Variants in BTBD6 observed in about 807,000 individuals in gnomAD.
The protein encoded by BTBD6 is BTB/POZ domain-containing protein 6.
In BTBD6, 30 loss-of-function variants were observed where a neutral mutation model predicts 40.6. That is an observed-to-expected ratio of 0.74 (90% CI 0.55 to 1.00). The LOEUF (loss-of-function observed/expected upper bound fraction) is 1.00, where lower values mean the gene tolerates loss of function less well. BTBD6 is among the 50% of genes least tolerant of loss of function. The pLI, the probability that BTBD6 is intolerant of heterozygous loss-of-function variation, is 0.00. For missense variants in BTBD6, 698 were observed against 694.6 expected (o/e 1.00, Z -0.06); for synonymous variants, 378 against 308.7 (o/e 1.22, Z -2.35).
Position 105,248,869 on chromosome 14 carries a change from A to G in BTBD6, c.158A>G (p.Lys53Arg). 1 of 987,892 alleles carries G rather than the reference A, an allele frequency of 1.0e-6. No homozygotes were observed. The highest frequency in any genetic ancestry group is 1.2e-6 in the Non-Finnish European group (1 of 833,320). The allele number at this position is 987,892 out of a possible 1,614,324, so 61.2% of individuals were successfully genotyped here. The change falls in exon 1 of 4, where the codon AAG (lysine) becomes AGG (arginine). Residue 53 changes from lysine to arginine, a missense_variant. By Grantham distance (26) the Lys-to-Arg change is conservative (BLOSUM62 2). Coordinates refer to ENST00000392554, the MANE Select transcript of BTBD6 (RefSeq NM_001387567.1). ...AEAAPAAPPA[K>R]MAAELYAPAS... is the part of the protein sequence containing the mutation. ...GCTGCCCCCGCCGCCCCGCCCGCGA[A>G]GATGGCGGCGGAACTCTACGCTCCC... is the stretch of plus-strand genomic sequence containing the variant.
rs772447408 is a variant in BTBD6 at position 105,250,479 on chromosome 14, T to A, written c.1424T>A (p.Val475Asp). The change falls in exon 4 of 4, where the codon GTC becomes GAC. Residue 475 changes from valine to aspartate, a missense_variant. Coordinates refer to ENST00000392554, the MANE Select transcript of BTBD6 (RefSeq NM_001387567.1). ...NTFPVWFEHPVQVEQDTFYTA... is the reference protein window; with the variant it reads ...NTFPVWFEHPDQVEQDTFYTA... The stretch of plus-strand genomic sequence containing the variant: ...TTCCCGGTCTGGTTTGAACACCCGG[T>A]CCAGGTTGAACAAGACACCTTCTAC... The A allele has an allele frequency of 6.2e-7, 1 of 1,613,932 alleles. No homozygotes were observed. The highest frequency in any genetic ancestry group is 8.5e-7 in the Non-Finnish European group (1 of 1,180,004).
rs1021200673 is a variant in BTBD6, at chr14:105,249,400, T to C, written c.506T>C (p.Phe169Ser). ...GGCAGCTCCGTCTTCTATGCCATGT[T>C]CTACGGAGACCTGGCGGAAGTCAAA... is the stretch of plus-strand genomic sequence containing the variant. The part of the protein sequence containing the change: ...AVGSSVFYAM[F>S]YGDLAEVKSE... The change falls in exon 3 of 4, where the codon TTC becomes TCC. Residue 169 changes from phenylalanine to serine, a missense_variant. Coordinates refer to ENST00000392554, the MANE Select transcript of BTBD6 (RefSeq NM_001387567.1). 6.2e-7 allele frequency: 1 copy of C among 1,613,312 alleles called. No individual in the cohort carries two copies. Among genetic ancestry groups the C allele is most frequent in the Non-Finnish European group, 8.5e-7 (1 of 1,179,994 alleles).
Position 105,248,576 on chromosome 14 carries a change from G to GGCGAGCGA in BTBD6, c.-133_-132insAGCGAGCG, listed in dbSNP as rs1386738404. The GGCGAGCGA allele has an allele frequency of 2.2e-6, 2 of 913,498 alleles. No individual in the cohort carries two copies. The highest frequency in any genetic ancestry group is 6.5e-5 in the Admixed American group (1 of 15,288). 56.6% of individuals were successfully genotyped at this position (913,498 alleles called of 1,614,324 possible). On this transcript the variant is annotated 5_prime_UTR_variant, in exon 1 of 4. Transcript: ENST00000392554. Reference sequence around the variant, plus strand: ...GCCGCGGCGGGTACGGGCTCGGGCGGGCGGGCGGGCGGGACGGCGCCCCCC... The same window carrying GGCGAGCGA: ...GCCGCGGCGGGTACGGGCTCGGGCGGGCGAGCGAGCGGGCGGGCGGGACGGCGCCCCCC...
chr14:105,250,723 A>G lies in BTBD6; in HGVS notation c.*51A>G. On this transcript the variant is annotated 3_prime_UTR_variant, in exon 4 of 4. Coordinates refer to ENST00000392554, the MANE Select transcript of BTBD6 (RefSeq NM_001387567.1). ...CAGCGAGTGAGTGGAGGGGAAGTCAAGATGCTAACTGCTTCTTGACACCAT... is the reference window on the plus strand; with the variant it reads ...CAGCGAGTGAGTGGAGGGGAAGTCAGGATGCTAACTGCTTCTTGACACCAT... 6.5e-7 allele frequency: 1 copy of G among 1,536,762 alleles called. No individual in the cohort carries two copies. Among genetic ancestry groups the G allele is most frequent in the South Asian group, 1.2e-5 (1 of 82,790 alleles).
rs1446630549 is a variant in BTBD6, at chr14:105,250,301, G to A, written c.1246G>A (p.Ala416Thr). 1 of 1,613,276 alleles carries A rather than the reference G, an allele frequency of 6.2e-7. No individual in the cohort carries two copies. The highest frequency in any genetic ancestry group is 1.3e-5 in the African/African-American group (1 of 75,074). ...YRGRCDSIQF[A>T]VDRRVFIAGL... ...CGGGCGCTGCGACAGCATCCAGTTT[G>A]CAGTGGACAGAAGGGTATTTATTGC... The change falls in exon 4 of 4, where the codon GCA becomes ACA. Residue 416 changes from alanine to threonine, a missense_variant. By Grantham distance (58) the Ala-to-Thr change is moderately conservative (BLOSUM62 0). Coordinates refer to ENST00000392554, the MANE Select transcript of BTBD6 (RefSeq NM_001387567.1).
chr14:105,249,505 G>A (rs371498545), intron 3 of BTBD6, 27 bp downstream of exon 3: 12 of 1,605,092 alleles, frequency 7.5e-6, no homozygotes, highest in Non-Finnish European at 1.0e-5. Flanking sequence ...GGGGAGGGAC[G>A]GGTGGGTCCG....
At position 105,250,279 on chromosome 14, in the gene BTBD6, G is replaced by A. The variant is rs1245085721; in HGVS notation, c.1224G>A (p.Gly408=). ...GCAGCAACCAGTGGCGGTACCGCGGGCGCTGCGACAGCATCCAGTTTGCAG... is the reference window on the plus strand; with the variant it reads ...GCAGCAACCAGTGGCGGTACCGCGGACGCTGCGACAGCATCCAGTTTGCAG... ...AYRSNQWRYR[G]RCDSIQFAVD... Residue 408 remains glycine (G), a synonymous_variant, in exon 4 of 4, where the codon GGG becomes GGA. Transcript: ENST00000392554. 6.2e-7 allele frequency: 1 copy of A among 1,613,020 alleles called. No individual in the cohort carries two copies. The highest frequency in any genetic ancestry group is 8.5e-7 in the Non-Finnish European group (1 of 1,180,046).
Position 105,248,703 on chromosome 14 carries a change from C to T in BTBD6, c.-9C>T. On this transcript the variant is annotated 5_prime_UTR_variant, in exon 1 of 4. Transcript: ENST00000392554. Reference sequence around the variant, plus strand: ...GGCAGCCCCGCGGGTCACAGCGCCGCCGCCGCCCATGCTGCTGCCCCTAGC... The same window carrying T: ...GGCAGCCCCGCGGGTCACAGCGCCGTCGCCGCCCATGCTGCTGCCCCTAGC... The T allele has an allele frequency of 2.0e-6, 2 of 982,468 alleles. No individual in the cohort carries two copies. The highest frequency in any genetic ancestry group is 1.8e-5 in the African/African-American group (1 of 56,942). 60.9% of individuals were successfully genotyped at this position (982,468 alleles called of 1,614,324 possible).
chr14:105,249,877 C>G lies in BTBD6; in HGVS notation c.822C>G (p.Ser274=). 1 of 1,611,978 alleles carries G rather than the reference C, an allele frequency of 6.2e-7. No homozygotes were observed. The highest frequency in any genetic ancestry group is 8.5e-7 in the Non-Finnish European group (1 of 1,180,002). The part of the protein sequence containing the change: ...IDAQAEMALR[S]EGFCEIDRQT... ...CACAGGCCGAGATGGCCCTACGGTC[C>G]GAAGGCTTCTGTGAGATAGACCGGC... Residue 274 remains serine, a synonymous_variant, in exon 4 of 4, where the codon TCC becomes TCG. Coordinates refer to ENST00000392554, the MANE Select transcript of BTBD6 (RefSeq NM_001387567.1).
rs1310037233 is a variant in BTBD6 at position 105,248,624 on chromosome 14, C to T, written c.-88C>T. ...CCCGCGGCCGGGCCTGGCCGGGCTG[C>T]GCTAGGCTGGGCTCGGGCAGGGTCG... On this transcript the variant is annotated 5_prime_UTR_variant, in exon 1 of 4. Transcript: ENST00000392554. 3.1e-6 allele frequency: 3 copies of T among 977,806 alleles called. No homozygotes were observed. The highest frequency in any genetic ancestry group is 2.4e-6 in the Non-Finnish European group (2 of 826,592). The allele number at this position is 977,806 out of a possible 1,614,324, so 60.6% of individuals were successfully genotyped here.
chr14:105,250,277 G>C lies in BTBD6; in HGVS notation c.1222G>C (p.Gly408Arg), dbSNP rs371451116. The change falls in exon 4 of 4, where the codon GGG becomes CGG. Residue 408 changes from glycine (G) to arginine (R), a missense_variant. Coordinates refer to ENST00000392554, the MANE Select transcript of BTBD6 (RefSeq NM_001387567.1). ...CCGCAGCAACCAGTGGCGGTACCGC[G>C]GGCGCTGCGACAGCATCCAGTTTGC... ...AYRSNQWRYR[G>R]RCDSIQFAVD... 1.8e-5 allele frequency: 29 copies of C among 1,612,952 alleles called. No homozygotes were observed. In the African/African-American group the frequency reaches 3.2e-4, roughly 18 times the overall value.
Position 105,250,153 on chromosome 14 carries a change from G to A in BTBD6, c.1098G>A (p.Leu366=), listed in dbSNP as rs774765239. 6.2e-7 allele frequency: 1 copy of A among 1,613,002 alleles called. No individual in the cohort carries two copies. Among genetic ancestry groups the A allele is most frequent in the South Asian group, 1.1e-5 (1 of 91,084 alleles). ...TGGAGGAGACCCACAGCATCTTCCT[G>A]TGGTACACGGCCACCAACAAGCCCC... ...LTLEETHSIF[L]WYTATNKPRL... The change falls in exon 4 of 4, where the codon CTG becomes CTA. Residue 366 remains leucine, a synonymous_variant. Transcript: ENST00000392554.
chr14:105,248,948 C>T lies in BTBD6; in HGVS notation c.237C>T (p.Gly79=), dbSNP rs1363045555. 2 of 983,090 alleles carry T rather than the reference C, an allele frequency of 2.0e-6. No individual in the cohort carries two copies. The highest frequency in any genetic ancestry group is 2.4e-6 in the Non-Finnish European group (2 of 830,222). The allele number at this position is 983,090 out of a possible 1,614,324, so 60.9% of individuals were successfully genotyped here. A position where few individuals can be genotyped will look rare whatever the true frequency, so the allele number is the denominator to read the frequency against. ...ACAGCAACGCCGGCGCCGCCGTGGGCAGGAAGGCCGGGCCGCGCAGCCCGC... is the reference window on the plus strand; with the variant it reads ...ACAGCAACGCCGGCGCCGCCGTGGGTAGGAAGGCCGGGCCGCGCAGCCCGC... ...LANSNAGAAV[G]RKAGPRSPPS... The change falls in exon 1 of 4, where the codon GGC becomes GGT. Residue 79 remains glycine (G), a synonymous_variant. Transcript: ENST00000392554.
chr14:105,249,372 G>A lies in BTBD6; in HGVS notation c.478G>A (p.Val160Ile). ...TVPAHKYVLAVGSSVFYAMFY... is the reference protein window; with the variant it reads ...TVPAHKYVLAIGSSVFYAMFY... The stretch of plus-strand genomic sequence containing the variant: ...TTTCTCCTCCCAGTACGTCTTGGCT[G>A]TCGGCAGCTCCGTCTTCTATGCCAT... Residue 160 changes from valine to isoleucine, a missense_variant, in exon 3 of 4, where the codon GTC becomes ATC. Transcript: ENST00000392554. 1 of 1,611,340 alleles carries A rather than the reference G, an allele frequency of 6.2e-7. No homozygotes were observed. The highest frequency in any genetic ancestry group is 8.5e-7 in the Non-Finnish European group (1 of 1,179,430).
At position 105,249,471 on chromosome 14, in the gene BTBD6, C is replaced by G. The variant is rs764547810; in HGVS notation, c.577C>G (p.Leu193Val). Residue 193 changes from leucine to valine, a missense_variant, in exon 3 of 4, where the codon CTC becomes GTC. Coordinates refer to ENST00000392554, the MANE Select transcript of BTBD6 (RefSeq NM_001387567.1). The part of the protein sequence containing the change: ...PDVEPAAFLI[L>V]LKYMYSDEID... ...CGTGGAGCCCGCAGCCTTTCTGATC[C>G]TCTTAAAGTAAGTCCACTCTACTGG... 2 of 1,612,960 alleles carry G rather than the reference C, an allele frequency of 1.2e-6. No homozygotes were observed. Among genetic ancestry groups the G allele is most frequent in the Middle Eastern group, 1.7e-4 (1 of 6,058 alleles).
rs2055367948 is a variant in BTBD6 at position 105,248,983 on chromosome 14, CCGCGCCAG to C, written c.276_283del (p.Pro93AlafsTer84). ...GGGCCGCGCAGCCCGCCCAGCGCCC[CCGCGCCAG>C]CGCCGCCGCCGCCCGCGCCCGCGCC... On this transcript the variant is annotated frameshift_variant, in exon 1 of 4. Transcript: ENST00000392554. LOFTEE classifies it high-confidence loss of function. The C allele has an allele frequency of 1.0e-6, 1 of 986,266 alleles. No homozygotes were observed. The highest frequency in any genetic ancestry group is 1.8e-5 in the African/African-American group (1 of 56,470). 61.1% of individuals were successfully genotyped at this position (986,266 alleles called of 1,614,324 possible).
intron 3 of BTBD6, 65 bp from the exon 4 acceptor site, chr14:105,249,575 C>T (rs1191355116): frequency 1.3e-6 from 2 of 1,586,378 alleles, no homozygotes; most frequent in Admixed American, 3.5e-5. Context: ...GGACTCCTCT[C>T]CCAGGCCCAG....
rs587637844 is a variant in BTBD6, at chr14:105,250,115, G to T, written c.1060G>T (p.Asp354Tyr). The change falls in exon 4 of 4, where the codon GAC (aspartate) becomes TAC (tyrosine). Residue 354 changes from aspartate (D) to tyrosine (Y), a missense_variant. Asp to Tyr is a radical substitution (Grantham distance 160). Coordinates refer to ENST00000392554, the MANE Select transcript of BTBD6 (RefSeq NM_001387567.1). ...EEFANGAAQSDILTLEETHSI... is the reference protein window; with the variant it reads ...EEFANGAAQSYILTLEETHSI... The stretch of plus-strand genomic sequence containing the variant: ...GTTTGCCAACGGCGCTGCCCAGTCA[G>T]ACATCCTGACTCTGGAGGAGACCCA... 2.5e-6 allele frequency: 4 copies of T among 1,613,002 alleles called. No individual in the cohort carries two copies. The Middle Eastern group carries it at 5.0e-4, about 201-fold the overall frequency.
At position 105,249,284 on chromosome 14, in the gene BTBD6, G is replaced by A. The variant is rs979960030; in HGVS notation, c.465+37G>A. The A allele has an allele frequency of 3.2e-6, 5 of 1,559,718 alleles. No individual in the cohort carries two copies. In the Admixed American group the frequency reaches 7.5e-5, roughly 23 times the overall value. On this transcript the variant is annotated intron_variant, in intron 2 of 3. Coordinates refer to ENST00000392554, the MANE Select transcript of BTBD6 (RefSeq NM_001387567.1). ...CGGCCCCTCTCGGAACGCGTGCCCC[G>A]TCCGCCCCGTCCGCCGTGTGGCTGA...
Sources: allele counts gnomAD v4.1 joint callset, GRCh38; gene constraint gnomAD v4.1.1; transcripts MANE v1.5; gene names NCBI Gene and HGNC (gene_info 2026-07-23, HGNC 2026-07-21).